The following RALGPS2 variants were observed in gnomAD, a reference collection of about 807,000 sequenced individuals.
RALGPS2 encodes ras-specific guanine nucleotide-releasing factor RalGPS2.
RALGPS2 carries 43 observed loss-of-function variants against 86.8 expected under a neutral mutation model. The observed-to-expected ratio is 0.50, with a 90% CI of 0.39 to 0.64. The LOEUF is 0.64. RALGPS2 is among the 30% of genes least tolerant of loss of function. The pLI, the probability that RALGPS2 is intolerant of heterozygous loss-of-function variation, is 0.00. For synonymous variants in RALGPS2, 243 were observed against 231.3 expected (o/e 1.05, Z -0.46); for missense variants, 536 against 694.6 (o/e 0.77, Z 2.57).
At chr1:178,787,382 A>G (rs1265040941) in intron 4 of RALGPS2, among the ~76,000 whole-genome samples, 2 of 152,200 alleles carry the variant, frequency 1.3e-5, no homozygotes, top group Admixed American at 6.5e-5. Flanking sequence ...AATTGATTTT[A>G]ATGATTTTAT....
intron 8 of RALGPS2, chr1:178,865,707 C>G (rs773283978): frequency 1.9e-6 from 3 of 1,613,630 alleles, no homozygotes; most frequent in Admixed American, 1.7e-5. Context: ...TTGAATTGTC[C>G]ACCTCTGCAA....
chr1:178,853,963 A>G (rs535522960), intron 8 of RALGPS2, among the ~76,000 whole-genome samples: 9 of 152,166 alleles, frequency 5.9e-5, no homozygotes, highest in East Asian at 3.9e-4. Flanking sequence ...TATCTGGAAC[A>G]TTAATTTGTT....
At chr1:178,910,016 T>G (rs1246935282) in intron 19 of RALGPS2, among the ~76,000 whole-genome samples, 2 of 152,166 alleles carry the variant, frequency 1.3e-5, no homozygotes, top group East Asian at 3.9e-4. Flanking sequence ...TTTTTCTTTT[T>G]GTGGCTATTG....
chr1:178,823,746 G>A (rs1655618516), intron 7 of RALGPS2, among the ~76,000 whole-genome samples: 1 of 152,206 alleles, frequency 6.6e-6, no homozygotes, highest in African/African-American at 2.4e-5. Flanking sequence ...CTTATATTCA[G>A]AGAGGTATAG....
rs375950622 is a variant in RALGPS2, at chr1:178,833,589, T to C, written c.607+39T>C. ...CTGTGTGTTTTTTGTTTCTAGTTGTTACTCTTCCTTACTCAGTAATTTATG... is the reference window on the plus strand; with the variant it reads ...CTGTGTGTTTTTTGTTTCTAGTTGTCACTCTTCCTTACTCAGTAATTTATG... On this transcript the variant is annotated intron_variant, in intron 8 of 19. Transcript: ENST00000367635. The C allele has an allele frequency of 8.0e-6, 12 of 1,509,286 alleles. No individual in the cohort carries two copies. The African/African-American group carries it at 1.3e-4, about 17-fold the overall frequency. 93.5% of individuals were successfully genotyped at this position (1,509,286 alleles called of 1,614,324 possible). A position where few individuals can be genotyped will look rare whatever the true frequency, so the allele number is the denominator to read the frequency against.
chr1:178,728,499 T>G (rs1002728834), intron 1 of RALGPS2, among the ~76,000 whole-genome samples: 8 of 151,654 alleles, frequency 5.3e-5, no homozygotes, highest in African/African-American at 1.9e-4. Flanking sequence ...TTGAAGTGTA[T>G]CCATTTTTTG....
intron 7 of RALGPS2, among the ~76,000 whole-genome samples, chr1:178,828,992 CA>C (rs1278516017): frequency 6.6e-6 from 1 of 152,150 alleles, no homozygotes; most frequent in Admixed American, 6.5e-5. Context: ...CAGCATTATT[CA>C]CAATAGCCAG....
intron 1 of RALGPS2, among the ~76,000 whole-genome samples, chr1:178,736,915 T>C (rs964550603): frequency 6.6e-6 from 1 of 152,104 alleles, no homozygotes; most frequent in Non-Finnish European, 1.5e-5. Flanking sequence ...AAAAAGCATA[T>C]GAAGACTAAT....
rs566693337 is a variant in RALGPS2 at position 178,742,954 on chromosome 1, G to A, written c.-84+17535G>A. 3.3e-5 allele frequency among the ~76,000 whole-genome samples: 5 copies of A among 152,326 alleles called. No homozygotes were observed. The South Asian group carries it at 8.3e-4, about 25-fold the overall frequency. On this transcript the variant is annotated intron_variant, in intron 1 of 19. Transcript: ENST00000367635. ...TGTGGGGCTGGTTGTGGTGGCCCAT[G>A]CCTGTAATCCCAACACTTTGGGAGT...
intron 1 of RALGPS2, among the ~76,000 whole-genome samples, chr1:178,753,956 C>T (rs957510095): frequency 4.6e-5 from 7 of 151,894 alleles, no homozygotes; most frequent in South Asian, 2.1e-4. Flanking sequence ...CTCAGCCTCC[C>T]GAGTAGTTGG....
At chr1:178,727,601 A>G (rs145329292) in intron 1 of RALGPS2, among the ~76,000 whole-genome samples, 1 of 152,320 alleles carries the variant, frequency 6.6e-6, no homozygotes, top group African/African-American at 2.4e-5. Flanking sequence ...TCAGATACAT[A>G]TGTGAGTAAT....
At chr1:178,889,812 A>G in intron 14 of RALGPS2, 116 bp downstream of exon 14, 1 of 630,110 alleles carries the variant, frequency 1.6e-6, no homozygotes, top group Non-Finnish European at 2.7e-6. Flanking sequence ...TAAGTTTTCT[A>G]CTGGTAAAAG....
intron 7 of RALGPS2, among the ~76,000 whole-genome samples, chr1:178,829,682 A>T (rs1290361379): frequency 6.6e-6 from 1 of 152,030 alleles, no homozygotes; most frequent in East Asian, 1.9e-4. Flanking sequence ...AGTTAATAAG[A>T]CTATGTTGTA....
intron 8 of RALGPS2, among the ~76,000 whole-genome samples, chr1:178,864,275 T>C (rs557100631): frequency 3.6e-4 from 55 of 152,198 alleles, no homozygotes; most frequent in African/African-American, 1.3e-3. Context: ...ATCAATGCAA[T>C]AGTTTTTTTT....
At chr1:178,808,713 G>C (rs891749323) in intron 5 of RALGPS2, among the ~76,000 whole-genome samples, 33 of 151,940 alleles carry the variant, frequency 2.2e-4, no homozygotes, top group African/African-American at 7.7e-4. Context: ...CTTTTTGTTT[G>C]CTTTTGCTCA....
chr1:178,878,979 G>T lies in RALGPS2; in HGVS notation c.823G>T (p.Asp275Tyr). Residue 275 changes from aspartate (D) to tyrosine (Y), a missense_variant, in exon 10 of 20, where the codon GAC becomes TAC. This residue lies in a region of RALGPS2 where 184 missense variants were observed against 296.7 expected (regional missense o/e 0.62). Coordinates refer to ENST00000367635, the MANE Select transcript of RALGPS2 (RefSeq NM_152663.5). ...AGAAGAACTACAAAAATTTGTGGAA[G>T]ACGATAATTACAAGTAGGTTGGATC... ...YIEELQKFVE[D>Y]DNYKLSLKIE... 6.2e-7 allele frequency: 1 copy of T among 1,612,460 alleles called. No individual in the cohort carries two copies. Among genetic ancestry groups the T allele is most frequent in the Non-Finnish European group, 8.5e-7 (1 of 1,179,394 alleles).
chr1:178,862,005 T>C (rs1037404411), intron 8 of RALGPS2, among the ~76,000 whole-genome samples: 9 of 152,196 alleles, frequency 5.9e-5, no homozygotes, highest in African/African-American at 1.7e-4. Context: ...CCTGAATAGC[T>C]AGGATTACAG....
intron 13 of RALGPS2, among the ~76,000 whole-genome samples, chr1:178,886,632 G>A (rs958721767): frequency 6.6e-6 from 1 of 152,144 alleles, no homozygotes; most frequent in Non-Finnish European, 1.5e-5. Flanking sequence ...GAAGATATAC[G>A]AGAGGTAGCA....
At chr1:178,855,771 A>G (rs1341020517) in intron 8 of RALGPS2, among the ~76,000 whole-genome samples, 4 of 151,802 alleles carry the variant, frequency 2.6e-5, no homozygotes, top group Non-Finnish European at 5.9e-5. Flanking sequence ...AGTTTTTATC[A>G]TGAATGGATT....
Sources: gnomAD v4.1 joint callset for allele counts (sites outside exome capture counted in the v4.1 genomes callset) on GRCh38, gnomAD v4.1.1 for gene constraint, gnomAD v4.1.1 regional missense constraint, MANE v1.5 for transcripts, NCBI Gene and HGNC (gene_info 2026-07-23, HGNC 2026-07-21) for gene names.